HOTAIR: variants seen among roughly 807,000 people sequenced by gnomAD.
The protein encoded by HOTAIR is HOX transcript antisense RNA (non-protein coding).
At chr12:53,965,558 GTGT>G (rs776268492) in intron 5 of HOTAIR, among the ~76,000 whole-genome samples, 1 of 152,232 alleles carries the variant, frequency 6.6e-6, no homozygotes, top group East Asian at 1.9e-4. Context: ...GAAAATATTT[GTGT>G]TGTTGTTGTT....
chr12:53,971,817 G>A (rs1052783482), intron 1 of HOTAIR, among the ~76,000 whole-genome samples: 4 of 152,208 alleles, frequency 2.6e-5, no homozygotes, highest in African/African-American at 9.7e-5. Context: ...GTGCTCAGAG[G>A]GATGGAAGGC....
chr12:53,966,274 A>C (rs1592193236), intron 4 of HOTAIR: 1 of 141,042 alleles, frequency 7.1e-6, no homozygotes, highest in African/African-American at 2.7e-5. Context: ...AGTCTTCTGT[A>C]CCTCTCGCCG....
In HOTAIR at chr12:53,973,192, G is replaced by T. The variant is rs1298338372; in HGVS notation, n.59+1706C>A. 6 of 1,474,570 alleles carry T rather than the reference G, an allele frequency of 4.1e-6. No homozygotes were observed. The highest frequency in any genetic ancestry group is 4.5e-6 in the Non-Finnish European group (5 of 1,103,634). The allele number at this position is 1,474,570 out of a possible 1,614,324, so 91.3% of individuals were successfully genotyped here. A position where few individuals can be genotyped will look rare whatever the true frequency, so the allele number is the denominator to read the frequency against. Reference sequence around the variant, plus strand: ...TCGCCTTCCCAAATTTTCCCCCCTCGCTAGACCGGGTCCAAAACCTCCATC... The same window carrying T: ...TCGCCTTCCCAAATTTTCCCCCCTCTCTAGACCGGGTCCAAAACCTCCATC... On this transcript the variant is annotated intron_variant and non_coding_transcript_variant, in intron 1 of 6. Coordinates refer to ENST00000424518, the Ensembl canonical transcript of HOTAIR. The surrounding 1 kb of genome is among the most constrained non-coding windows in gnomAD (Gnocchi z 4.3).
intron 1 of HOTAIR, among the ~76,000 whole-genome samples, chr12:53,972,975 AC>A (rs373768517): frequency 3.9e-4 from 59 of 151,972 alleles, no homozygotes; most frequent in Middle Eastern, 3.4e-3. Flanking sequence ...CGAGAGAAAA[AC>A]GAATACAAAT....
At position 53,973,104 on chromosome 12, in the gene HOTAIR, G is replaced by A. The variant is rs926659562; in HGVS notation, n.59+1794C>T. On this transcript the variant is annotated intron_variant and non_coding_transcript_variant, in intron 1 of 6. Transcript: ENST00000424518. This position sits in a 1 kb window ranked among gnomAD's most constrained non-coding sequence, Gnocchi z 4.3. ...TGCGAAGTGCTCCGAACTGATATAT[G>A]ACAATATCTACTTTGGATCACGTGC... 5.8e-5 allele frequency: 38 copies of A among 659,056 alleles called. No homozygotes were observed. Among genetic ancestry groups the A allele is most frequent in the Middle Eastern group, 8.2e-4 (2 of 2,428 alleles). 40.8% of individuals were successfully genotyped at this position (659,056 alleles called of 1,614,324 possible).
intron 2 of HOTAIR, among the ~76,000 whole-genome samples, chr12:53,967,547 T>A (rs539857372): frequency 3.0e-4 from 46 of 152,312 alleles, no homozygotes; most frequent in African/African-American, 1.1e-3. Context: ...GCCACTTATG[T>A]TACAAAATGC....
Position 53,973,783 on chromosome 12 carries a change from C to T in HOTAIR, n.59+1115G>A. 6.2e-7 allele frequency: 1 copy of T among 1,603,862 alleles called. No homozygotes were observed. Among genetic ancestry groups the T allele is most frequent in the Non-Finnish European group, 8.5e-7 (1 of 1,175,698 alleles). The stretch of plus-strand genomic sequence containing the variant: ...GGCAAGGGCGAGGCCAAGGGGGAGC[C>T]CGAGGCACCCCCGGCCTCGGGACTG... On this transcript the variant is annotated intron_variant and non_coding_transcript_variant, in intron 1 of 6. Coordinates refer to ENST00000424518, the Ensembl canonical transcript of HOTAIR. The surrounding 1 kb of genome is among the most constrained non-coding windows in gnomAD (Gnocchi z 4.3).
In HOTAIR at chr12:53,973,746, C is replaced by G; in HGVS notation, n.59+1152G>C. 6.2e-7 allele frequency: 1 copy of G among 1,612,660 alleles called. No individual in the cohort carries two copies. Reference sequence around the variant, plus strand: ...CGGTGGCGGCGACCCGCCCGCCGAGCCCCCCTGCTCCGGCAAGGGCGAGGC... The same window carrying G: ...CGGTGGCGGCGACCCGCCCGCCGAGGCCCCCTGCTCCGGCAAGGGCGAGGC... On this transcript the variant is annotated intron_variant and non_coding_transcript_variant, in intron 1 of 6. Coordinates refer to ENST00000424518, the Ensembl canonical transcript of HOTAIR. This position sits in a 1 kb window ranked among gnomAD's most constrained non-coding sequence, Gnocchi z 4.3.
chr12:53,965,289 A>AAT (rs1939030634), intron 5 of HOTAIR, among the ~76,000 whole-genome samples: 3 of 152,186 alleles, frequency 2.0e-5, no homozygotes, highest in South Asian at 2.1e-4. Context: ...TGCTTTCCCC[A>AAT]TGCCCCCCCA....
In HOTAIR at chr12:53,973,539, ATGCACCGGGAGTGCCTGCCTCCT is replaced by A; in HGVS notation, n.59+1336_59+1358del. The A allele has an allele frequency of 6.2e-7, 1 of 1,613,310 alleles. No individual in the cohort carries two copies. The highest frequency in any genetic ancestry group is 8.5e-7 in the Non-Finnish European group (1 of 1,179,936). ...CTGCTATGCGGCGGCCGACGAGCTT[ATGCACCGGGAGTGCCTGCCTCCT>A]TCCACCGTCACCGAGATCCTCATGA... On this transcript the variant is annotated intron_variant and non_coding_transcript_variant, in intron 1 of 6. Coordinates refer to ENST00000424518, the Ensembl canonical transcript of HOTAIR. The surrounding 1 kb of genome is among the most constrained non-coding windows in gnomAD (Gnocchi z 4.3).
At chr12:53,964,508 GA>G (rs907188238) in intron 5 of HOTAIR, among the ~76,000 whole-genome samples, 2 of 152,182 alleles carry the variant, frequency 1.3e-5, no homozygotes, top group Admixed American at 1.3e-4. Flanking sequence ...TAAAGTCTGG[GA>G]ATGTAAGAAC....
intron 1 of HOTAIR, among the ~76,000 whole-genome samples, chr12:53,970,561 A>C (rs753273468): frequency 6.8e-6 from 1 of 147,344 alleles, no homozygotes; most frequent in African/African-American, 2.5e-5. Flanking sequence ...TCAACACTAG[A>C]GAACATTTTA....
intron 5 of HOTAIR, among the ~76,000 whole-genome samples, chr12:53,965,334 G>GACTCTCA (rs1939032202): frequency 1.3e-5 from 2 of 152,220 alleles, no homozygotes; most frequent in Non-Finnish European, 2.9e-5. Context: ...AGGCCACTAG[G>GACTCTCA]GTCACAGAGA....
chr12:53,962,852 AG>A (rs1177482763), exon 7 of HOTAIR: 1 of 152,172 alleles, frequency 6.6e-6, no homozygotes, highest in Non-Finnish European at 1.5e-5. Flanking sequence ...TAGAGTGCAA[AG>A]TCCCGTTTGC....
At chr12:53,971,129 A>C (rs888425232) in intron 1 of HOTAIR, among the ~76,000 whole-genome samples, 1 of 152,208 alleles carries the variant, frequency 6.6e-6, no homozygotes, top group Non-Finnish European at 1.5e-5. Context: ...TGCTGGCCCC[A>C]TCTCACTCTA....
chr12:53,964,474 A>T (rs1290931763), intron 5 of HOTAIR, among the ~76,000 whole-genome samples: 1 of 152,214 alleles, frequency 6.6e-6, no homozygotes, highest in East Asian at 1.9e-4. Context: ...GCCTGAAGAA[A>T]CAATGTAACA....
chr12:53,973,523 G>A lies in HOTAIR; in HGVS notation n.59+1375C>T, dbSNP rs529380030. ...GGAACAGCTACTCCTCCTGCTATGC[G>A]GCGGCCGACGAGCTTATGCACCGGG... On this transcript the variant is annotated intron_variant and non_coding_transcript_variant, in intron 1 of 6. Coordinates refer to ENST00000424518, the Ensembl canonical transcript of HOTAIR. The surrounding 1 kb of genome is among the most constrained non-coding windows in gnomAD (Gnocchi z 4.3). The A allele has an allele frequency of 1.9e-6, 3 of 1,613,664 alleles. No individual in the cohort carries two copies. The highest frequency in any genetic ancestry group is 2.5e-6 in the Non-Finnish European group (3 of 1,180,006).
At chr12:53,968,683 C>G (rs1219139761) in exon 2 of HOTAIR, 4 of 152,476 alleles carry the variant, frequency 2.6e-5, no homozygotes, top group East Asian at 1.9e-4. Flanking sequence ...AGTCAGAGTT[C>G]CCCACTGCCT....
At chr12:53,965,163 C>T (rs1428062270) in intron 5 of HOTAIR, among the ~76,000 whole-genome samples, 2 of 152,238 alleles carry the variant, frequency 1.3e-5, no homozygotes, top group Non-Finnish European at 1.5e-5. Context: ...ATCTCCTCCT[C>T]AGATGTCTTA....
Sources: gnomAD v4.1 joint callset for allele counts (sites outside exome capture counted in the v4.1 genomes callset) on GRCh38, gnomAD v4.1.1 for gene constraint, Gnocchi (gnomAD v3.1) non-coding constraint, MANE v1.5 for transcripts, NCBI Gene and HGNC (gene_info 2026-07-23, HGNC 2026-07-21) for gene names.